PTPRD: variants seen among roughly 807,000 people sequenced by gnomAD.
The protein encoded by PTPRD is protein tyrosine phosphatase receptor type D, also known as receptor-type tyrosine-protein phosphatase delta.
PTPRD carries 34 observed loss-of-function variants against 214.5 expected under a neutral mutation model. That is an observed-to-expected ratio of 0.16 (90% CI 0.12 to 0.21). PTPRD has a LOEUF of 0.21. Among genes scored for constraint, PTPRD ranks in the 10% least tolerant of loss-of-function variants. The probability of loss-of-function intolerance (pLI) is 1.00; values close to 1 mark genes in which losing one functional copy is unlikely to be tolerated. For synonymous variants in PTPRD, 1,128 were observed against 845.7 expected, an observed-to-expected ratio of 1.33 and a Z score of -5.79; for missense variants, 2,545 against 2,398.7, an observed-to-expected ratio of 1.06 and a Z score of -1.27.
intron 5 of PTPRD, among the ~76,000 whole-genome samples, chr9:9,904,362 T>C (rs1392129805): frequency 2.0e-5 from 3 of 152,026 alleles, no homozygotes; most frequent in African/African-American, 4.8e-5. Context: ...AAAACGCTTG[T>C]GATTAGAAGA....
chr9:9,823,300 C>T (rs933407056), intron 5 of PTPRD, among the ~76,000 whole-genome samples: 1 of 151,830 alleles, frequency 6.6e-6, no homozygotes, highest in African/African-American at 2.4e-5. Flanking sequence ...GGAGCAGGCA[C>T]ATCACATGGT....
chr9:10,181,843 A>C (rs2099291462), intron 3 of PTPRD, among the ~76,000 whole-genome samples: 1 of 151,220 alleles, frequency 6.6e-6, no homozygotes, highest in Non-Finnish European at 1.5e-5. Context: ...AATGGGAAAG[A>C]AAAATCTACA....
intron 2 of PTPRD, among the ~76,000 whole-genome samples, chr9:10,426,958 A>C (rs939492514): frequency 1.3e-5 from 2 of 152,080 alleles, no homozygotes; most frequent in Non-Finnish European, 2.9e-5. Context: ...GATGACAAAG[A>C]GGCCCAATGT....
chr9:9,992,433 A>G (rs1010773355), intron 4 of PTPRD, among the ~76,000 whole-genome samples: 2 of 152,196 alleles, frequency 1.3e-5, no homozygotes, highest in Non-Finnish European at 2.9e-5. Context: ...CATTTGACCC[A>G]GCCATCCCAT....
chr9:9,551,360 A>G (rs2080183751), intron 8 of PTPRD, among the ~76,000 whole-genome samples: 1 of 152,036 alleles, frequency 6.6e-6, no homozygotes, highest in East Asian at 1.9e-4. Flanking sequence ...CTAAAGGTGA[A>G]TAATTCCAGT....
At chr9:9,058,422 G>C (rs2099700296) in intron 10 of PTPRD, among the ~76,000 whole-genome samples, 1 of 138,344 alleles carries the variant, frequency 7.2e-6, no homozygotes, top group African/African-American at 2.6e-5. Flanking sequence ...AGCAATATTG[G>C]TGAGAGAAAT....
chr9:9,978,099 A>AAC (rs1382536291), intron 4 of PTPRD, among the ~76,000 whole-genome samples: 3 of 51,104 alleles, frequency 5.9e-5, no homozygotes, highest in African/African-American at 1.4e-4. Flanking sequence ...CCAAAATTAA[A>AAC]ACACACACAC....
chr9:8,848,962 C>T (rs528759074), intron 11 of PTPRD, among the ~76,000 whole-genome samples: 4 of 125,678 alleles, frequency 3.2e-5, no homozygotes, highest in Admixed American at 2.9e-4. Flanking sequence ...ATAATAAATG[C>T]TCAGTAAGTT....
At chr9:10,543,507 A>ACAC (rs1333500511) in intron 2 of PTPRD, among the ~76,000 whole-genome samples, 4 of 68,368 alleles carry the variant, frequency 5.9e-5, no homozygotes, top group Admixed American at 1.5e-4. Flanking sequence ...CACACACACA[A>ACAC]ACACACACAC....
At chr9:8,513,374 A>G (rs1171328590) in intron 21 of PTPRD, among the ~76,000 whole-genome samples, 1 of 152,054 alleles carries the variant, frequency 6.6e-6, no homozygotes, top group Non-Finnish European at 1.5e-5. Context: ...ATATTAGATC[A>G]AATCAAAAGT....
chr9:9,916,288 C>G (rs2080783039), intron 5 of PTPRD, among the ~76,000 whole-genome samples: 1 of 151,748 alleles, frequency 6.6e-6, no homozygotes, highest in African/African-American at 2.4e-5. Flanking sequence ...ATACAAAACT[C>G]AAATTCACTG....
At chr9:9,793,457 A>G (rs1183900914) in intron 5 of PTPRD, among the ~76,000 whole-genome samples, 1 of 152,144 alleles carries the variant, frequency 6.6e-6, no homozygotes, top group South Asian at 2.1e-4. Flanking sequence ...ACATATGTAT[A>G]TGTTATCAAT....
At chr9:9,154,072 T>C (rs2154490464) in intron 10 of PTPRD, among the ~76,000 whole-genome samples, 1 of 152,288 alleles carries the variant, frequency 6.6e-6, no homozygotes, top group Admixed American at 6.5e-5. Context: ...TTTGTGGTGC[T>C]TGATTTGTCT....
intron 10 of PTPRD, among the ~76,000 whole-genome samples, chr9:9,157,070 A>C (rs1046163977): frequency 2.6e-5 from 4 of 152,242 alleles, no homozygotes; most frequent in African/African-American, 9.6e-5. Flanking sequence ...ACTCTGTGAC[A>C]GCATAAAGAA....
At chr9:8,735,152 G>GTT (rs1380564021) in intron 11 of PTPRD, among the ~76,000 whole-genome samples, 44 of 125,488 alleles carry the variant, frequency 3.5e-4, no homozygotes, top group East Asian at 1.8e-3. Flanking sequence ...TTTTTTTTCT[G>GTT]TTTTTTTTTT....
At chr9:9,733,385 G>C (rs1021396097) in intron 7 of PTPRD, among the ~76,000 whole-genome samples, 3 of 152,088 alleles carry the variant, frequency 2.0e-5, no homozygotes, top group African/African-American at 7.2e-5. Flanking sequence ...TAAGTTTTCT[G>C]TTTGTGTGCA....
At chr9:9,963,413 T>C (rs2094486406) in intron 4 of PTPRD, among the ~76,000 whole-genome samples, 2 of 137,820 alleles carry the variant, frequency 1.5e-5, no homozygotes, top group Middle Eastern at 6.9e-3. Context: ...AAATAGTTTC[T>C]CCTTTATAAC....
intron 10 of PTPRD, among the ~76,000 whole-genome samples, chr9:9,042,707 C>T (rs1465000366): frequency 6.8e-6 from 1 of 146,938 alleles, no homozygotes; most frequent in African/African-American, 2.5e-5. Flanking sequence ...TGGTGGCAGA[C>T]ATAATCCATT....
At chr9:9,692,542 A>G (rs925311068) in intron 7 of PTPRD, among the ~76,000 whole-genome samples, 5 of 151,956 alleles carry the variant, frequency 3.3e-5, no homozygotes, top group African/African-American at 9.7e-5. Flanking sequence ...CTGTAGTACA[A>G]TTTGAAAGCA....
Sources: allele counts gnomAD v4.1 joint callset (sites outside exome capture counted in the v4.1 genomes callset), GRCh38; gene constraint gnomAD v4.1.1; transcripts MANE v1.5; gene names NCBI Gene and HGNC (gene_info 2026-07-23, HGNC 2026-07-21).